The following ESYT2 variants were observed in gnomAD, a reference collection of about 807,000 sequenced individuals.
ESYT2 encodes the protein extended synaptotagmin 2.
A neutral mutation model predicts 107.2 loss-of-function variants in ESYT2; 54 were observed. That is an observed-to-expected ratio of 0.50 (90% CI 0.40 to 0.63). The LOEUF (loss-of-function observed/expected upper bound fraction) is 0.63, where lower values mean the gene tolerates loss of function less well. Among genes scored for constraint, ESYT2 ranks in the 30% least tolerant of loss-of-function variants. The pLI is 0.00. For missense variants in ESYT2, 1,020 were observed against 1,094.5 expected (o/e 0.93, Z 0.96); for synonymous variants, 491 against 434.1 (o/e 1.13, Z -1.63).
chr7:158,738,234 C>T (rs1185210020), intron 19 of ESYT2, among the ~76,000 whole-genome samples: 1 of 151,208 alleles, frequency 6.6e-6, no homozygotes, highest in Non-Finnish European at 1.5e-5. Context: ...ATTGCTTGAA[C>T]CCAAGAAGCG....
intron 2 of ESYT2, 126 bp from the exon 3 acceptor site, chr7:158,798,202 T>C (rs1839527545): frequency 3.1e-6 from 3 of 977,758 alleles, no homozygotes; most frequent in East Asian, 5.2e-5. Context: ...GAGGATCTTG[T>C]TGTTATGCAA....
At chr7:158,817,211 T>C (rs1840170504) in intron 1 of ESYT2, among the ~76,000 whole-genome samples, 1 of 152,178 alleles carries the variant, frequency 6.6e-6, no homozygotes, top group Admixed American at 6.5e-5. Flanking sequence ...CTCATTACCA[T>C]GACACAGACT....
intron 1 of ESYT2, among the ~76,000 whole-genome samples, chr7:158,814,343 ATATG>A (rs1238360339): frequency 0.085 from 318 of 3,742 alleles, 41 homozygotes; most frequent in African/African-American, 0.17. Context: ...ATATATATAT[ATATG>A]AAATAATATA....
chr7:158,741,473 G>T, intron 18 of ESYT2, 50 bp downstream of exon 18: 3 of 1,363,890 alleles, frequency 2.2e-6, no homozygotes, highest in Non-Finnish European at 2.8e-6. Flanking sequence ...AGCGTGGGGT[G>T]GGGGGCGCTT....
chr7:158,749,934 G>C (rs973198100), intron 14 of ESYT2, among the ~76,000 whole-genome samples: 11 of 152,152 alleles, frequency 7.2e-5, no homozygotes, highest in African/African-American at 2.7e-4. Flanking sequence ...AAATTTTAAA[G>C]GTTAGAGTCT....
chr7:158,788,060 A>G lies in ESYT2; in HGVS notation c.691T>C (p.Leu231=), dbSNP rs1839168309. The change falls in exon 6 of 23, where the codon TTG becomes CTG. Residue 231 remains leucine (L), a synonymous_variant. Transcript: ENST00000275418. The part of the protein sequence containing the change: ...HGTMRVILEP[L]IGDMPLVGAL... ...CCAACTAAGGGCATATCTCCAATCA[A>G]CGGTTCCAGGATCACCCGCATGGTA... 2 of 1,614,126 alleles carry G rather than the reference A, an allele frequency of 1.2e-6. No individual in the cohort carries two copies. The highest frequency in any genetic ancestry group is 1.7e-6 in the Non-Finnish European group (2 of 1,179,972).
intron 13 of ESYT2, among the ~76,000 whole-genome samples, chr7:158,753,590 A>G (rs1362539256): frequency 1.3e-5 from 2 of 151,784 alleles, no homozygotes; most frequent in Non-Finnish European, 2.9e-5. Context: ...AAGCTGAACT[A>G]AATGTTTAAT....
intron 7 of ESYT2, among the ~76,000 whole-genome samples, chr7:158,768,179 A>G (rs1838230433): frequency 6.6e-6 from 1 of 152,218 alleles, no homozygotes; most frequent in Non-Finnish European, 1.5e-5. Flanking sequence ...TTTTTAACAT[A>G]AACTATTTCA....
intron 1 of ESYT2, among the ~76,000 whole-genome samples, chr7:158,815,500 C>T (rs1328795880): frequency 2.0e-5 from 3 of 152,096 alleles, no homozygotes. Flanking sequence ...GATATGTGTC[C>T]CCAGTCCCTC....
chr7:158,761,582 A>C, intron 10 of ESYT2, 38 bp from the exon 11 acceptor site: 1 of 1,561,196 alleles, frequency 6.4e-7, no homozygotes, highest in African/African-American at 1.4e-5. Flanking sequence ...AGAACATAGA[A>C]ACACATTTCT....
chr7:158,743,554 G>C lies in ESYT2; in HGVS notation c.1769C>G (p.Thr590Ser), dbSNP rs767278525. 15 of 1,612,504 alleles carry C rather than the reference G, an allele frequency of 9.3e-6. No homozygotes were observed. The African/African-American group carries it at 1.9e-4, about 20-fold the overall frequency. Residue 590 changes from threonine (T) to serine (S), a missense_variant, in exon 17 of 23, where the codon ACC becomes AGC. Coordinates refer to ENST00000275418, the MANE Select transcript of ESYT2 (RefSeq NM_001367773.1). ...FQLSNSGPNSTIKMKIALRVL... is the reference protein window; with the variant it reads ...FQLSNSGPNSSIKMKIALRVL... ...CCGCAGGGCAATCTTCATCTTGATG[G>C]TGCTGTTTGGACCCGAGTTACTGAG...
At chr7:158,825,583 AG>A (rs1218560323) in intron 1 of ESYT2, among the ~76,000 whole-genome samples, 1 of 152,280 alleles carries the variant, frequency 6.6e-6, no homozygotes, top group African/African-American at 2.4e-5. Flanking sequence ...AGCCTCAATC[AG>A]GAACAGTACA....
intron 13 of ESYT2, among the ~76,000 whole-genome samples, chr7:158,757,387 C>T (rs987012372): frequency 6.6e-6 from 1 of 152,174 alleles, no homozygotes; most frequent in Non-Finnish European, 1.5e-5. Context: ...TCCCGACGCT[C>T]GCCTCTCTTT....
At chr7:158,762,731 A>T (rs192400234) in intron 10 of ESYT2, among the ~76,000 whole-genome samples, 2 of 152,384 alleles carry the variant, frequency 1.3e-5, no homozygotes, top group Non-Finnish European at 2.9e-5. Context: ...AATCTGGAAT[A>T]GAACTGTCCA....
At chr7:158,808,537 A>G (rs1839899864) in intron 1 of ESYT2, among the ~76,000 whole-genome samples, 1 of 152,262 alleles carries the variant, frequency 6.6e-6, no homozygotes, top group African/African-American at 2.4e-5. Context: ...ACTAAGTATC[A>G]TACGCTGAGG....
Position 158,748,260 on chromosome 7 carries a change from T to A in ESYT2, c.1578A>T (p.Glu526Asp). The A allele has an allele frequency of 6.2e-7, 1 of 1,614,104 alleles. No homozygotes were observed. ...AAGTGAAGTTTTCCTCCCACACAGG[T>A]TCATTGGTTTTGTATCGAATCTAGA... ...QESKIRYKTN[E>D]PVWEENFTFF... Residue 526 changes from glutamate to aspartate, a missense_variant, in exon 16 of 23, where the codon GAA becomes GAT. Coordinates refer to ENST00000275418, the MANE Select transcript of ESYT2 (RefSeq NM_001367773.1).
chr7:158,803,315 C>CA (rs1839700203), intron 1 of ESYT2, among the ~76,000 whole-genome samples: 1 of 152,210 alleles, frequency 6.6e-6, no homozygotes, highest in African/African-American at 2.4e-5. Context: ...AAAATCAACA[C>CA]AGTCTCAAAA....
chr7:158,740,514 G>A (rs1284523175), intron 18 of ESYT2, among the ~76,000 whole-genome samples: 1 of 151,888 alleles, frequency 6.6e-6, no homozygotes, highest in Admixed American at 6.6e-5. Context: ...TGCAAGCCAC[G>A]TGCTCTCTTC....
At chr7:158,788,501 A>G in intron 4 of ESYT2, 84 bp from the exon 5 acceptor site, 1 of 1,184,154 alleles carries the variant, frequency 8.4e-7, no homozygotes, top group Non-Finnish European at 1.2e-6. Context: ...GTATAATCTG[A>G]ATAAAATGAT....
Sources: allele counts gnomAD v4.1 joint callset (sites outside exome capture counted in the v4.1 genomes callset), GRCh38; gene constraint gnomAD v4.1.1; transcripts MANE v1.5; gene names NCBI Gene and HGNC (gene_info 2026-07-23, HGNC 2026-07-21).